The following FHIP2A variants were observed in gnomAD, a reference collection of about 807,000 sequenced individuals.
The protein encoded by FHIP2A is FHF complex subunit HOOK interacting protein 2A, also known as family with sequence similarity 160 member B1.
FHIP2A carries 46 observed loss-of-function variants against 93.5 expected under a neutral mutation model. The observed-to-expected ratio is 0.49, with a 90% CI of 0.39 to 0.63. FHIP2A has a LOEUF of 0.63. FHIP2A is among the 20% of genes least tolerant of loss of function. The pLI, the probability that FHIP2A is intolerant of heterozygous loss-of-function variation, is 0.00. For missense variants in FHIP2A, 769 were observed against 909.7 expected, an observed-to-expected ratio of 0.85 and a Z score of 1.99; for synonymous variants, 332 against 326.5, an observed-to-expected ratio of 1.02 and a Z score of -0.18.
intron 13 of FHIP2A, among the ~76,000 whole-genome samples, chr10:114,854,336 T>A (rs2083754244): frequency 3.3e-5 from 5 of 151,994 alleles, no homozygotes. Context: ...CTACTAAAAA[T>A]ACAAAATTAA....
chr10:114,899,667 A>G (rs1592038772), exon 17 of FHIP2A: 2 of 594,174 alleles, frequency 3.4e-6, no homozygotes, highest in East Asian at 2.8e-5. Context: ...TGAATCACCT[A>G]TCCCATGCCC....
intron 14 of FHIP2A, among the ~76,000 whole-genome samples, chr10:114,860,320 A>G (rs1592025671): frequency 6.6e-6 from 1 of 152,206 alleles, no homozygotes; most frequent in East Asian, 1.9e-4. Flanking sequence ...GCAGAAGAGC[A>G]TGCGCAGCAG....
downstream of FHIP2A, among the ~76,000 whole-genome samples, chr10:114,867,997 G>T (rs114710733): frequency 1.3e-4 from 19 of 149,586 alleles, no homozygotes; most frequent in Non-Finnish European, 2.7e-4. Context: ...GCTGGAGTGC[G>T]GTGGCACTAT....
At chr10:114,848,802 C>T (rs2083717502) in intron 13 of FHIP2A, 65 bp downstream of exon 13, 1 of 967,236 alleles carries the variant, frequency 1.0e-6, no homozygotes, top group Non-Finnish European at 1.6e-6. Context: ...CCCCTTGTCA[C>T]ACTGCCCACC....
At chr10:114,831,368 CTAAAGGA>C (rs2083606878) in intron 2 of FHIP2A, among the ~76,000 whole-genome samples, 1 of 152,058 alleles carries the variant, frequency 6.6e-6, no homozygotes, top group Non-Finnish European at 1.5e-5. Context: ...GAGCTGAAAT[CTAAAGGA>C]TAAAGGAACC....
downstream of FHIP2A, among the ~76,000 whole-genome samples, chr10:114,867,811 T>C (rs2083837445): frequency 6.6e-6 from 1 of 152,190 alleles, no homozygotes; most frequent in Admixed American, 6.5e-5. Context: ...AGGCCAGAGC[T>C]CACTCCTGCC....
At chr10:114,885,835 A>C (rs2083940216) in intron 16 of FHIP2A, among the ~76,000 whole-genome samples, 1 of 152,202 alleles carries the variant, frequency 6.6e-6, no homozygotes, top group Non-Finnish European at 1.5e-5. Flanking sequence ...ACCTGTGGTG[A>C]AGAGAGTGTA....
chr10:114,872,631 C>A (rs2083865391), intron 16 of FHIP2A, among the ~76,000 whole-genome samples: 1 of 152,138 alleles, frequency 6.6e-6, no homozygotes, highest in South Asian at 2.1e-4. Context: ...TTAGGATAAT[C>A]AAGGGACAGT....
intron 16 of FHIP2A, among the ~76,000 whole-genome samples, chr10:114,882,266 C>T (rs768236271): frequency 1.3e-5 from 2 of 152,230 alleles, no homozygotes; most frequent in Admixed American, 6.5e-5. Flanking sequence ...TGTCCCCAGA[C>T]GTTTCCACTG....
chr10:114,884,099 T>C (rs2083930237), intron 16 of FHIP2A, among the ~76,000 whole-genome samples: 2 of 152,140 alleles, frequency 1.3e-5, no homozygotes, highest in African/African-American at 4.8e-5. Context: ...GGGGTTCAAT[T>C]GGGATACACT....
chr10:114,836,463 G>A (rs1473664098), intron 5 of FHIP2A, among the ~76,000 whole-genome samples: 4 of 152,142 alleles, frequency 2.6e-5, no homozygotes, highest in Non-Finnish European at 5.9e-5. Context: ...GGTGGTACAG[G>A]GACTGGACAG....
At chr10:114,868,335 G>A (rs1364164837), downstream of FHIP2A, among the ~76,000 whole-genome samples, 1 of 152,108 alleles carries the variant, frequency 6.6e-6, no homozygotes, top group African/African-American at 2.4e-5. Context: ...CAACCCTACT[G>A]TGAACTTGCA....
chr10:114,849,432 C>T (rs1411023688), intron 13 of FHIP2A, among the ~76,000 whole-genome samples: 1 of 152,102 alleles, frequency 6.6e-6, no homozygotes, highest in Admixed American at 6.6e-5. Context: ...CTCTGCTGCC[C>T]AGCTCTCACT....
At chr10:114,827,578 A>G (rs1007857741) in intron 1 of FHIP2A, among the ~76,000 whole-genome samples, 4 of 152,174 alleles carry the variant, frequency 2.6e-5, no homozygotes, top group Admixed American at 2.6e-4. Context: ...CGGGCGGATC[A>G]TGAGGTCAGG....
intron 5 of FHIP2A, among the ~76,000 whole-genome samples, chr10:114,841,603 T>C (rs976350892): frequency 6.6e-6 from 1 of 152,176 alleles, no homozygotes; most frequent in Non-Finnish European, 1.5e-5. Context: ...ATTGATTTTG[T>C]TGGAAATTGG....
rs757192188 is a variant in FHIP2A, at chr10:114,843,061, T to C, written c.651T>C (p.Thr217=). The C allele has an allele frequency of 5.6e-6, 9 of 1,614,132 alleles. No individual in the cohort carries two copies. In the South Asian group the frequency reaches 9.9e-5, roughly 18 times the overall value. The stretch of plus-strand genomic sequence containing the variant: ...AACCAGAGGAACTATCTGGTGCTAC[T>C]GGAATGGAGCAAACAGAATTGGAAG... ...SRQPEELSGA[T]GMEQTELEDE... is the part of the protein sequence containing the mutation. The change falls in exon 6 of 17, where the codon ACT becomes ACC. Residue 217 remains threonine (T), a synonymous_variant. Coordinates refer to ENST00000369248, the MANE Select transcript of FHIP2A (RefSeq NM_020940.4).
In FHIP2A at chr10:114,864,305, A is replaced by G. The variant is rs2083817612; in HGVS notation, c.*2765A>G. 1.0e-6 allele frequency: 1 copy of G among 985,204 alleles called. No homozygotes were observed. The highest frequency in any genetic ancestry group is 1.7e-5 in the African/African-American group (1 of 57,236). 61.0% of individuals were successfully genotyped at this position (985,204 alleles called of 1,614,324 possible). On this transcript the variant is annotated 3_prime_UTR_variant, in exon 17 of 17. Coordinates refer to ENST00000369248, the MANE Select transcript of FHIP2A (RefSeq NM_020940.4). ...TATGAAGTCCATCAGTATTGACAGAAGACGTTACAGTGAAGTGCTAAAACC... is the reference window on the plus strand; with the variant it reads ...TATGAAGTCCATCAGTATTGACAGAGGACGTTACAGTGAAGTGCTAAAACC...
chr10:114,861,498 G>A lies in FHIP2A; in HGVS notation c.2256G>A (p.Ala752=), dbSNP rs140802114. 68 of 1,613,916 alleles carry A rather than the reference G, an allele frequency of 4.2e-5. No homozygotes were observed. Among genetic ancestry groups the A allele is most frequent in the Middle Eastern group, 3.3e-4 (2 of 5,976 alleles). ...IVLEEFCKEL[A]AIAFVKYHAS... is the part of the protein sequence containing the mutation. ...TAGAAGAGTTCTGTAAGGAGCTGGCGGCAATCGCATTTGTAAAATATCATG... is the reference window on the plus strand; with the variant it reads ...TAGAAGAGTTCTGTAAGGAGCTGGCAGCAATCGCATTTGTAAAATATCATG... The change falls in exon 17 of 17, where the codon GCG becomes GCA. Residue 752 remains alanine, a synonymous_variant. Transcript: ENST00000369248.
Position 114,843,043 on chromosome 10 carries a change from G to A in FHIP2A, c.633G>A (p.Glu211=), listed in dbSNP as rs200269179. Residue 211 remains glutamate (E), a synonymous_variant, in exon 6 of 17, where the codon GAG becomes GAA. Coordinates refer to ENST00000369248, the MANE Select transcript of FHIP2A (RefSeq NM_020940.4). ...STDTGQSRQP[E]ELSGATGMEQ... ...ATACAGGACAGTCCCGTCAACCAGAGGAACTATCTGGTGCTACTGGAATGG... is the reference window on the plus strand; with the variant it reads ...ATACAGGACAGTCCCGTCAACCAGAAGAACTATCTGGTGCTACTGGAATGG... The A allele has an allele frequency of 1.8e-5, 29 of 1,613,588 alleles. No individual in the cohort carries two copies. The highest frequency in any genetic ancestry group is 1.3e-4 in the Admixed American group (8 of 59,988).
Sources: allele counts gnomAD v4.1 joint callset (sites outside exome capture counted in the v4.1 genomes callset), GRCh38; gene constraint gnomAD v4.1.1; transcripts MANE v1.5; gene names NCBI Gene and HGNC (gene_info 2026-07-23, HGNC 2026-07-21).